Variants in IKZF1 observed in about 807,000 individuals in gnomAD.
IKZF1 encodes IKAROS family zinc finger 1.
IKZF1 carries 10 observed loss-of-function variants against 51.7 expected under a neutral mutation model. That is an observed-to-expected ratio of 0.19 (90% CI 0.12 to 0.33). IKZF1 has a LOEUF of 0.33. IKZF1 is among the 10% of genes least tolerant of loss of function. The pLI is 1.00. For missense variants in IKZF1, 484 were observed against 707.5 expected, an observed-to-expected ratio of 0.68 and a Z score of 3.58; for synonymous variants, 280 against 282.3, an observed-to-expected ratio of 0.99 and a Z score of 0.08.
At chr7:50,326,811 G>A (rs1795142833) in intron 2 of IKZF1, among the ~76,000 whole-genome samples, 3 of 152,176 alleles carry the variant, frequency 2.0e-5, no homozygotes, top group Admixed American at 6.5e-5. Flanking sequence ...TTCCCAGTAG[G>A]CATGGGGTTC....
At chr7:50,397,808 A>C (rs902074345) in intron 7 of IKZF1, among the ~76,000 whole-genome samples, 2 of 152,182 alleles carry the variant, frequency 1.3e-5, no homozygotes, top group East Asian at 1.9e-4. Context: ...CATCAGCTTC[A>C]TAGGGTTTTC....
At chr7:50,392,388 TA>T (rs543654509) in intron 7 of IKZF1, among the ~76,000 whole-genome samples, 1 of 149,976 alleles carries the variant, frequency 6.7e-6, no homozygotes, top group Admixed American at 6.6e-5. Flanking sequence ...TCTGCGGGAT[TA>T]AAAAAAAAGA....
intron 7 of IKZF1, among the ~76,000 whole-genome samples, chr7:50,395,638 A>G (rs1816498042): frequency 6.6e-6 from 1 of 152,162 alleles, no homozygotes; most frequent in Non-Finnish European, 1.5e-5. Flanking sequence ...GTTATTTATT[A>G]CTAACTCTAT....
intron 3 of IKZF1, chr7:50,369,164 G>A (rs552590109): frequency 2.4e-5 from 6 of 248,812 alleles, no homozygotes; most frequent in East Asian, 1.8e-4. Context: ...TTGTTTACAC[G>A]TGAGCTTATA....
intron 3 of IKZF1, among the ~76,000 whole-genome samples, chr7:50,348,804 C>G (rs1247923866): frequency 2.0e-5 from 3 of 152,334 alleles, no homozygotes; most frequent in East Asian, 1.9e-4. Flanking sequence ...TGCACCAGAA[C>G]CATGCACTAC....
chr7:50,319,181 C>A (rs2153363824), intron 2 of IKZF1, 80 bp downstream of exon 2: 1 of 1,190,260 alleles, frequency 8.4e-7, no homozygotes, highest in Non-Finnish European at 1.2e-6. Flanking sequence ...GCTTGGTATG[C>A]TCATGGGGGA....
At chr7:50,326,877 G>A (rs191640536) in intron 2 of IKZF1, among the ~76,000 whole-genome samples, 97 of 152,266 alleles carry the variant, frequency 6.4e-4, no homozygotes, top group African/African-American at 2.3e-3. Context: ...AAACTAAGCA[G>A]CTGGTAAGAT....
At chr7:50,366,413 A>G (rs1177328590) in intron 3 of IKZF1, among the ~76,000 whole-genome samples, 1 of 152,224 alleles carries the variant, frequency 6.6e-6, no homozygotes, top group South Asian at 2.1e-4. Flanking sequence ...TACTGGTGAG[A>G]CAAATTCCAG....
Position 50,402,106 on chromosome 7 carries a change from G to A in IKZF1, c.*1479G>A. The A allele has an allele frequency of 4.3e-6, 1 of 230,934 alleles. No individual in the cohort carries two copies. Among genetic ancestry groups the A allele is most frequent in the Non-Finnish European group, 8.6e-6 (1 of 116,470 alleles). The allele number at this position is 230,934 out of a possible 1,614,324, so 14.3% of individuals were successfully genotyped here. ...CTGAAGCCCGAGGAAGGTGTGTGGA[G>A]ATTCTAATCCCAACAAGCAAGGGTC... is the stretch of plus-strand genomic sequence containing the variant. On this transcript the variant is annotated 3_prime_UTR_variant, in exon 8 of 8. Transcript: ENST00000331340.
chr7:50,375,241 CA>C (rs2153464804), intron 3 of IKZF1, among the ~76,000 whole-genome samples: 1 of 152,180 alleles, frequency 6.6e-6, no homozygotes, highest in East Asian at 1.9e-4. Flanking sequence ...GTCAACATGA[CA>C]AGACCCATCT....
intron 3 of IKZF1, among the ~76,000 whole-genome samples, chr7:50,356,101 T>A (rs1319967215): frequency 6.6e-6 from 1 of 152,240 alleles, no homozygotes; most frequent in African/African-American, 2.4e-5. Context: ...TAAAAAATGA[T>A]GTGGGGGTCC....
intron 4 of IKZF1, among the ~76,000 whole-genome samples, chr7:50,377,988 G>T (rs1176150135): frequency 6.6e-6 from 1 of 152,258 alleles, no homozygotes; most frequent in African/African-American, 2.4e-5. Flanking sequence ...TTGGGAAAAT[G>T]ATGACGATGA....
At chr7:50,305,061 A>C (rs1404065746) in intron 1 of IKZF1, 139 bp downstream of exon 1, 1 of 152,376 alleles carries the variant, frequency 6.6e-6, no homozygotes, top group African/African-American at 2.4e-5. Flanking sequence ...TTCTGAGGAC[A>C]GTGAGAGAGT....
At position 50,396,300 on chromosome 7, in the gene IKZF1, G is replaced by A. The variant is rs538844839; in HGVS notation, c.851-3618G>A. The stretch of plus-strand genomic sequence containing the variant: ...CACTGTTCTCTTGTGGTTTTCCTCT[G>A]TCAGTAATTTAATTTTTAGTAGTTC... On this transcript the variant is annotated intron_variant, in intron 7 of 7. Coordinates refer to ENST00000331340, the MANE Select transcript of IKZF1 (RefSeq NM_006060.6). Among the ~76,000 whole-genome samples the A allele has an allele frequency of 1.1e-3, 162 of 152,076 alleles. 1 individual carries two copies. The highest frequency in any genetic ancestry group is 3.6e-3 in the African/African-American group (151 of 41,508).
At chr7:50,320,183 C>T (rs1792789755) in intron 2 of IKZF1, among the ~76,000 whole-genome samples, 1 of 152,182 alleles carries the variant, frequency 6.6e-6, no homozygotes, top group Non-Finnish European at 1.5e-5. Flanking sequence ...ATAATTGCCA[C>T]ATTCTTTGTG....
intron 7 of IKZF1, chr7:50,393,768 G>A: frequency 4.3e-6 from 1 of 232,788 alleles, no homozygotes; most frequent in African/African-American, 2.2e-5. Flanking sequence ...CTCCTGAGCA[G>A]CCAGCATCTG....
chr7:50,328,473 G>T (rs984305754), intron 3 of IKZF1: 4 of 152,128 alleles, frequency 2.6e-5, no homozygotes, highest in African/African-American at 4.8e-5. Flanking sequence ...ACTAGTTCTC[G>T]CTCCATTATA....
chr7:50,333,724 C>T (rs1796927056), intron 3 of IKZF1, among the ~76,000 whole-genome samples: 1 of 152,196 alleles, frequency 6.6e-6, no homozygotes, highest in South Asian at 2.1e-4. Context: ...TAACTGAAAG[C>T]ATATTATTTG....
In IKZF1 at chr7:50,403,425, G is replaced by A. The variant is rs141366009; in HGVS notation, c.*2798G>A. On this transcript the variant is annotated 3_prime_UTR_variant, in exon 8 of 8. Coordinates refer to ENST00000331340, the MANE Select transcript of IKZF1 (RefSeq NM_006060.6). The stretch of plus-strand genomic sequence containing the variant: ...GTGTGCCTAGATTCCATGCACTCTC[G>A]TTGTGTTTGAAGTAAATATTGGAGA... 71 of 223,086 alleles carry A rather than the reference G, an allele frequency of 3.2e-4. No homozygotes were observed. The highest frequency in any genetic ancestry group is 1.4e-3 in the African/African-American group (63 of 44,832). 13.8% of individuals were successfully genotyped at this position (223,086 alleles called of 1,614,324 possible). A position where few individuals can be genotyped will look rare whatever the true frequency, so the allele number is the denominator to read the frequency against.
Sources: allele counts gnomAD v4.1 joint callset (sites outside exome capture counted in the v4.1 genomes callset), GRCh38; gene constraint gnomAD v4.1.1; transcripts MANE v1.5; gene names NCBI Gene and HGNC (gene_info 2026-07-23, HGNC 2026-07-21).